TJP2: variants seen among roughly 807,000 people sequenced by gnomAD.
TJP2 encodes the protein Friedreich ataxia region gene X104 (tight junction protein ZO-2).
TJP2 carries 91 observed loss-of-function variants against 133.1 expected under a neutral mutation model. That is an observed-to-expected ratio of 0.68 (90% CI 0.58 to 0.81). The LOEUF (loss-of-function observed/expected upper bound fraction) is 0.81. Ranked by LOEUF, TJP2 falls within the 40% of genes least tolerant of loss-of-function variation. The pLI is 0.00. For missense variants in TJP2, 1,541 were observed against 1,565.6 expected (o/e 0.98, Z 0.26); for synonymous variants, 592 against 583.4 (o/e 1.01, Z -0.21).
At chr9:69,235,075 A>G (rs1830081495) in intron 12 of TJP2, among the ~76,000 whole-genome samples, 1 of 152,242 alleles carries the variant, frequency 6.6e-6, no homozygotes, top group Non-Finnish European at 1.5e-5. Context: ...TTTATTATAA[A>G]GAATTGGCTC....
At chr9:69,152,727 A>C (rs1168944074) in intron 2 of TJP2, among the ~76,000 whole-genome samples, 2 of 148,698 alleles carry the variant, frequency 1.3e-5, no homozygotes. Flanking sequence ...TGTCCAAATG[A>C]GGACATTCAA....
At chr9:69,211,819 C>T (rs529738662) in intron 1 of TJP2, among the ~76,000 whole-genome samples, 15 of 152,290 alleles carry the variant, frequency 9.8e-5, no homozygotes, top group African/African-American at 3.6e-4. Flanking sequence ...CAGACCTGAT[C>T]TCCCACCCTG....
Position 69,237,023 on chromosome 9 carries a change from G to A in TJP2, c.2066G>A (p.Arg689His), listed in dbSNP as rs1407663473. The change falls in exon 14 of 23, where the codon CGT becomes CAT. Residue 689 changes from arginine (R) to histidine (H), a missense_variant. Transcript: ENST00000377245. ...AGDRADFWRM[R>H]GQRSGVKKNL... is the part of the protein sequence containing the mutation. ...GACCGGGCAGATTTCTGGAGAATGC[G>A]TGGCCAGAGGTCTGGGGTGAAGAAG... 5.6e-6 allele frequency: 9 copies of A among 1,614,038 alleles called. No homozygotes were observed. The highest frequency in any genetic ancestry group is 7.6e-6 in the Non-Finnish European group (9 of 1,180,044).
chr9:69,182,205 C>T (rs1469446848), intron 1 of TJP2, among the ~76,000 whole-genome samples: 3 of 152,200 alleles, frequency 2.0e-5, no homozygotes, highest in Non-Finnish European at 4.4e-5. Flanking sequence ...AGTTTTTCAA[C>T]GTCACCTCAG....
chr9:69,240,661 G>A (rs1217752381), intron 17 of TJP2, among the ~76,000 whole-genome samples: 2 of 152,170 alleles, frequency 1.3e-5, no homozygotes, highest in Non-Finnish European at 2.9e-5. Flanking sequence ...GTGAGATCCT[G>A]TCTCTACTAA....
At chr9:69,201,284 C>G (rs768083389) in intron 1 of TJP2, among the ~76,000 whole-genome samples, 1 of 152,218 alleles carries the variant, frequency 6.6e-6, no homozygotes, top group African/African-American at 2.4e-5. Context: ...AAATGTCCTT[C>G]TGATGCCATT....
chr9:69,210,197 G>T (rs780049294), intron 1 of TJP2, among the ~76,000 whole-genome samples: 1 of 149,450 alleles, frequency 6.7e-6, no homozygotes. Context: ...GCTGAGGTAT[G>T]CGAATCACTT....
At chr9:69,170,973 C>T (rs969756672), upstream of TJP2, among the ~76,000 whole-genome samples, 2 of 84,888 alleles carry the variant, frequency 2.4e-5, no homozygotes, top group Admixed American at 1.0e-4. Context: ...CTCAAATACT[C>T]ATCAGTGCCT....
At chr9:69,169,141 A>G (rs553568971) in intron 2 of TJP2, among the ~76,000 whole-genome samples, 13 of 152,252 alleles carry the variant, frequency 8.5e-5, no homozygotes, top group African/African-American at 3.1e-4. Context: ...TAGTTGAGCA[A>G]TTCTCCTAAC....
At chr9:69,221,537 A>G (rs1367163797) in intron 5 of TJP2, 41 bp downstream of exon 5, 9 of 1,581,190 alleles carry the variant, frequency 5.7e-6, no homozygotes, top group Non-Finnish European at 7.7e-6. Context: ...CTGTTGTGAT[A>G]TGAATAACCT....
intron 1 of TJP2, among the ~76,000 whole-genome samples, chr9:69,211,577 C>T (rs1827916977): frequency 1.3e-5 from 2 of 152,136 alleles, no homozygotes; most frequent in Admixed American, 6.5e-5. Flanking sequence ...TCGCATCTGC[C>T]TCTGTGTACT....
intron 1 of TJP2, among the ~76,000 whole-genome samples, chr9:69,192,846 C>T (rs1022849958): frequency 6.6e-6 from 1 of 151,742 alleles, no homozygotes; most frequent in Non-Finnish European, 1.5e-5. Flanking sequence ...GTTCCCTTGG[C>T]CTCAGTGACT....
intron 12 of TJP2, among the ~76,000 whole-genome samples, chr9:69,235,267 A>G (rs1354145809): frequency 6.6e-6 from 1 of 152,098 alleles, no homozygotes; most frequent in African/African-American, 2.4e-5. Flanking sequence ...GAAGGCCATC[A>G]GGCAGGAAGA....
rs192785455 is a variant in TJP2, at chr9:69,219,738, G to A, written c.343-1149G>A. 5.7e-3 allele frequency among the ~76,000 whole-genome samples: 865 copies of A among 152,226 alleles called. 8 individuals are homozygous for A. Among genetic ancestry groups the A allele is most frequent in the African/African-American group, 0.015 (629 of 41,534 alleles). ...CATACGCAGCTCTCAAAATGTCTTT[G>A]ATATATGTTTTCTTCCCTATCCAGG... On this transcript the variant is annotated intron_variant, in intron 4 of 22. Coordinates refer to ENST00000377245, the MANE Select transcript of TJP2 (RefSeq NM_004817.4).
intron 2 of TJP2, among the ~76,000 whole-genome samples, chr9:69,213,095 C>T (rs1588071822): frequency 8.2e-6 from 1 of 122,080 alleles, no homozygotes; most frequent in East Asian, 2.5e-4. Context: ...CGGAATTGCA[C>T]TCTTGTCGCC....
intron 18 of TJP2, among the ~76,000 whole-genome samples, chr9:69,247,266 G>A (rs918567781): frequency 3.9e-5 from 6 of 152,242 alleles, no homozygotes; most frequent in Non-Finnish European, 7.3e-5. Flanking sequence ...ATATGAGAAC[G>A]TTAGGGAATT....
chr9:69,237,012 C>T lies in TJP2; in HGVS notation c.2055C>T (p.Phe685=). The stretch of plus-strand genomic sequence containing the variant: ...ACAACGCTGGGGACCGGGCAGATTT[C>T]TGGAGAATGCGTGGCCAGAGGTCTG... ...QRDNAGDRAD[F]WRMRGQRSGV... Residue 685 remains phenylalanine (F), a synonymous_variant, in exon 14 of 23, where the codon TTC becomes TTT. Coordinates refer to ENST00000377245, the MANE Select transcript of TJP2 (RefSeq NM_004817.4). 1 of 1,614,176 alleles carries T rather than the reference C, an allele frequency of 6.2e-7. No homozygotes were observed. The highest frequency in any genetic ancestry group is 1.1e-5 in the South Asian group (1 of 91,072).
In TJP2 at chr9:69,228,043, C is replaced by G. The variant is rs948897755; in HGVS notation, c.1382C>G (p.Ser461Cys). ...RMGATPTPFK[S>C]TGDIAGTVVP... ...GGTGCGACACCCACTCCCTTTAAGT[C>G]CACAGGGGATATTGCAGGCACAGTT... The change falls in exon 9 of 23, where the codon TCC becomes TGC. Residue 461 changes from serine (S) to cysteine (C), a missense_variant. By Grantham distance (112) the Ser-to-Cys change is moderately radical. Coordinates refer to ENST00000377245, the MANE Select transcript of TJP2 (RefSeq NM_004817.4). The G allele has an allele frequency of 3.7e-6, 6 of 1,614,042 alleles. No homozygotes were observed. The highest frequency in any genetic ancestry group is 5.1e-6 in the Non-Finnish European group (6 of 1,179,990).
chr9:69,244,184 GAAAAAAAAAA>G (rs35047206), intron 17 of TJP2, among the ~76,000 whole-genome samples: 4 of 58,342 alleles, frequency 6.9e-5, no homozygotes, highest in Non-Finnish European at 1.4e-4. Context: ...CCTGTCTCAG[GAAAAAAAAAA>G]AAAAAAAAAA....
Sources: gnomAD v4.1 joint callset for allele counts (sites outside exome capture counted in the v4.1 genomes callset) on GRCh38, gnomAD v4.1.1 for gene constraint, MANE v1.5 for transcripts, NCBI Gene and HGNC (gene_info 2026-07-23, HGNC 2026-07-21) for gene names.